KLHDC10: variants seen among roughly 807,000 people sequenced by gnomAD.
KLHDC10 encodes kelch domain-containing protein 10.
Under a neutral mutation model 56.1 loss-of-function variants are expected in KLHDC10, and 24 were observed. The ratio of observed to expected loss-of-function variants is 0.43; its 90% CI spans 0.31 to 0.60. KLHDC10 has a LOEUF of 0.60. KLHDC10 is among the 20% of genes least tolerant of loss of function. The pLI, the probability that KLHDC10 is intolerant of heterozygous loss-of-function variation, is 0.11. For missense variants in KLHDC10, 349 were observed against 567.0 expected (o/e 0.62, Z 3.91); for synonymous variants, 188 against 207.1 (o/e 0.91, Z 0.79).
chr7:130,121,036 A>G, intron 4 of KLHDC10, 133 bp downstream of exon 4: 1 of 828,578 alleles, frequency 1.2e-6, no homozygotes, highest in Non-Finnish European at 1.8e-6. Context: ...TTGATTTTTT[A>G]GTTCTGATAT....
intron 1 of KLHDC10, among the ~76,000 whole-genome samples, chr7:130,079,725 G>GCCTT (rs748916579): frequency 2.6e-5 from 3 of 115,590 alleles, no homozygotes; most frequent in African/African-American, 9.5e-5. Context: ...CTGCCTTCCT[G>GCCTT]CCTTCCTTCC....
At chr7:130,101,265 CATT>C (rs1422364732) in intron 2 of KLHDC10, among the ~76,000 whole-genome samples, 3 of 152,134 alleles carry the variant, frequency 2.0e-5, no homozygotes, top group Admixed American at 1.3e-4. Flanking sequence ...TGCTAGCTAT[CATT>C]ATTGTTATTG....
At position 130,125,849 on chromosome 7, in the gene KLHDC10, C is replaced by CT. The variant is rs754272893; in HGVS notation, c.865-8dup. The CT allele has an allele frequency of 4.8e-5, 75 of 1,572,336 alleles. No homozygotes were observed. The highest frequency in any genetic ancestry group is 8.2e-5 in the South Asian group (7 of 84,916). ...AATTATTTATGTATGTGTATATGTTCTTTTTTTTCTCCAAGATCCATGCAT... is the reference window on the plus strand; with the variant it reads ...AATTATTTATGTATGTGTATATGTTCTTTTTTTTTCTCCAAGATCCATGCAT... On this transcript the variant is annotated splice_polypyrimidine_tract_variant and intron_variant, in intron 6 of 9. Transcript: ENST00000335420.
intron 1 of KLHDC10, among the ~76,000 whole-genome samples, chr7:130,091,861 GTAAT>G (rs1360347508): frequency 6.6e-6 from 1 of 152,094 alleles, no homozygotes; most frequent in Non-Finnish European, 1.5e-5. Context: ...ATATCTTTGA[GTAAT>G]TATTTCATTA....
At position 130,130,196 on chromosome 7, in the gene KLHDC10, T is replaced by C. The variant is rs543587528; in HGVS notation, c.1120-341T>C. On this transcript the variant is annotated intron_variant, in intron 9 of 9. Transcript: ENST00000335420. The surrounding 1 kb of genome is among the most constrained non-coding windows in gnomAD (Gnocchi z 4.2). The stretch of plus-strand genomic sequence containing the variant: ...TTAGCCGGACGTGGTGGCGCGTGCC[T>C]GTATTCCCAGCTACTCTGGAGGCTG... Among the ~76,000 whole-genome samples, 1 of 151,720 alleles carries C rather than the reference T, an allele frequency of 6.6e-6. No homozygotes were observed. The highest frequency in any genetic ancestry group is 1.9e-4 in the East Asian group (1 of 5,160).
chr7:130,111,067 A>G (rs1796094214), intron 2 of KLHDC10, among the ~76,000 whole-genome samples: 1 of 152,174 alleles, frequency 6.6e-6, no homozygotes, highest in East Asian at 1.9e-4. Context: ...GATTTAGTAT[A>G]TGGTAAAGGT....
chr7:130,086,304 G>A (rs1286775339), intron 1 of KLHDC10, among the ~76,000 whole-genome samples: 1 of 152,154 alleles, frequency 6.6e-6, no homozygotes, highest in Non-Finnish European at 1.5e-5. Flanking sequence ...TAAAGGTTAC[G>A]CTTACTTAAA....
intron 1 of KLHDC10, among the ~76,000 whole-genome samples, chr7:130,094,063 A>G (rs952429684): frequency 6.6e-6 from 1 of 151,944 alleles, no homozygotes; most frequent in Non-Finnish European, 1.5e-5. Context: ...AGCTGGGTTT[A>G]CAGGCACCTG....
chr7:130,092,614 A>G (rs2116864561), intron 1 of KLHDC10, among the ~76,000 whole-genome samples: 1 of 152,192 alleles, frequency 6.6e-6, no homozygotes, highest in East Asian at 1.9e-4. Flanking sequence ...TCTCCCTCTG[A>G]TCCCAGTGTT....
At chr7:130,074,781 T>C (rs1795474716) in intron 1 of KLHDC10, among the ~76,000 whole-genome samples, 1 of 152,036 alleles carries the variant, frequency 6.6e-6, no homozygotes, top group African/African-American at 2.4e-5. Flanking sequence ...GTGCTACTTT[T>C]TGTATTTTTA....
At chr7:130,082,120 A>G (rs937346332) in intron 1 of KLHDC10, among the ~76,000 whole-genome samples, 5 of 152,190 alleles carry the variant, frequency 3.3e-5, no homozygotes, top group Admixed American at 1.3e-4. Context: ...TGAGACCAGC[A>G]TGGGTAACAT....
At chr7:130,081,517 C>T (rs1412256000) in intron 1 of KLHDC10, among the ~76,000 whole-genome samples, 5 of 151,860 alleles carry the variant, frequency 3.3e-5, no homozygotes, top group Non-Finnish European at 7.4e-5. Flanking sequence ...CAGGGTTTCA[C>T]CGTGTTGCCC....
At chr7:130,082,984 T>C (rs1795628953) in intron 1 of KLHDC10, among the ~76,000 whole-genome samples, 2 of 152,196 alleles carry the variant, frequency 1.3e-5, no homozygotes, top group Non-Finnish European at 2.9e-5. Context: ...AGTATTTCTT[T>C]TGTTTGTTTC....
chr7:130,083,878 G>A (rs776933887), intron 1 of KLHDC10, among the ~76,000 whole-genome samples: 7 of 151,966 alleles, frequency 4.6e-5, no homozygotes, highest in African/African-American at 1.2e-4. Flanking sequence ...GTCAGGTCTC[G>A]TTTTCTTATG....
chr7:130,086,750 G>A (rs187202404), intron 1 of KLHDC10, among the ~76,000 whole-genome samples: 3 of 152,048 alleles, frequency 2.0e-5, no homozygotes, highest in Admixed American at 2.0e-4. Context: ...CCCAATTGAT[G>A]GATATTTAGC....
intron 5 of KLHDC10, among the ~76,000 whole-genome samples, chr7:130,123,524 T>C (rs549609101): frequency 2.0e-4 from 30 of 152,200 alleles, no homozygotes; most frequent in South Asian, 1.4e-3. Context: ...AGATTTTTTT[T>C]CCCCTCCAGT....
chr7:130,119,838 C>T (rs1188363570), intron 3 of KLHDC10, among the ~76,000 whole-genome samples: 3 of 125,206 alleles, frequency 2.4e-5, no homozygotes, highest in African/African-American at 3.3e-5. Context: ...AGCAAGACTC[C>T]GTCTTAAAAA....
At chr7:130,077,697 A>G (rs1795533499) in intron 1 of KLHDC10, among the ~76,000 whole-genome samples, 1 of 151,296 alleles carries the variant, frequency 6.6e-6, no homozygotes, top group Non-Finnish European at 1.5e-5. Context: ...CTGGGACTAC[A>G]GGCACCTGCT....
rs3043725 is a variant in KLHDC10 at position 130,107,843 on chromosome 7, C to CAAAAAAAAAAAAAAA, written c.254-8592_254-8578dup. Among the ~76,000 whole-genome samples, 130 of 26,030 alleles carry CAAAAAAAAAAAAAAA rather than the reference C, an allele frequency of 5.0e-3. 14 individuals are homozygous for CAAAAAAAAAAAAAAA. Among genetic ancestry groups the CAAAAAAAAAAAAAAA allele is most frequent in the East Asian group, 0.025 (14 of 554 alleles). The allele number at this position is 26,030 out of a possible 152,430, so 17.1% of individuals were successfully genotyped here. A position where few individuals can be genotyped will look rare whatever the true frequency, so the allele number is the denominator to read the frequency against. On this transcript the variant is annotated intron_variant, in intron 2 of 9. Coordinates refer to ENST00000335420, the MANE Select transcript of KLHDC10 (RefSeq NM_014997.4). ...TGGGCGACAGAGTGGGACTCCGTCT[C>CAAAAAAAAAAAAAAA]AAAAAAAAAAAAAAAAAAAAAAAAG...
Sources: gnomAD v4.1 joint callset for allele counts (sites outside exome capture counted in the v4.1 genomes callset) on GRCh38, gnomAD v4.1.1 for gene constraint, Gnocchi (gnomAD v3.1) non-coding constraint, MANE v1.5 for transcripts, NCBI Gene and HGNC (gene_info 2026-07-23, HGNC 2026-07-21) for gene names.